The following DYNC2H1 variants were observed in gnomAD, a reference collection of about 807,000 sequenced individuals.
The protein encoded by DYNC2H1 is dynein cytoplasmic 2 heavy chain 1.
Under a neutral mutation model 570.0 loss-of-function variants are expected in DYNC2H1, and 410 were observed. The observed-to-expected ratio is 0.72, with a 90% confidence interval of 0.66 to 0.78. The LOEUF (loss-of-function observed/expected upper bound fraction) is 0.78. Among genes scored for constraint, DYNC2H1 ranks in the 30% least tolerant of loss-of-function variants. The pLI is 0.00. For synonymous variants in DYNC2H1, 1,688 were observed against 1,677.6 expected, an observed-to-expected ratio of 1.01 and a Z score of -0.15; for missense variants, 4,865 against 5,046.4, an observed-to-expected ratio of 0.96 and a Z score of 1.09.
chr11:103,379,874 T>C (rs533251290), intron 83 of DYNC2H1, among the ~76,000 whole-genome samples: 1 of 152,308 alleles, frequency 6.6e-6, no homozygotes, highest in African/African-American at 2.4e-5. Flanking sequence ...CTAGTACCAA[T>C]ATATTACTTA....
At position 103,177,895 on chromosome 11, in the gene DYNC2H1, C is replaced by G; in HGVS notation, c.6139+75C>G. ...TGATATAATTTGTCTATAATGCTGT[C>G]TTTGTCAAGACTTCTACATGACCAT... On this transcript the variant is annotated intron_variant, in intron 38 of 88. Transcript: ENST00000375735. This position sits in a 1 kb window ranked among gnomAD's most constrained non-coding sequence, Gnocchi z 4.4. 2.1e-6 allele frequency: 3 copies of G among 1,463,174 alleles called. No homozygotes were observed. The highest frequency in any genetic ancestry group is 2.7e-6 in the Non-Finnish European group (3 of 1,100,316). The allele number at this position is 1,463,174 out of a possible 1,614,324, so 90.6% of individuals were successfully genotyped here.
rs1440835469 is a variant in DYNC2H1 at position 103,215,721 on chromosome 11, G to A, written c.8695G>A (p.Ala2899Thr). 6.2e-7 allele frequency: 1 copy of A among 1,601,026 alleles called. No homozygotes were observed. Among genetic ancestry groups the A allele is most frequent in the South Asian group, 1.1e-5 (1 of 88,716 alleles). ...GCCGATCAATATTTTATTGATGTAG[G>A]CTGGTGTATCTAAACTAAATGAAGC... ...ELLKRQSHLQ[A>T]GVSKLNEAKA... is the part of the protein sequence containing the mutation. Residue 2899 changes from alanine (A) to threonine (T), a missense_variant and splice_region_variant, in exon 55 of 89, where the codon GCT becomes ACT. Ala to Thr is a moderately conservative substitution (Grantham distance 58, BLOSUM62 0). Around this residue, in one of 5 missense-constraint regions of DYNC2H1, gnomAD observed 2,401 missense variants for 2,454.6 expected, o/e 0.98. Coordinates refer to ENST00000375735, the MANE Select transcript of DYNC2H1 (RefSeq NM_001377.3).
chr11:103,218,568 A>G (rs548712059), intron 55 of DYNC2H1, among the ~76,000 whole-genome samples: 19 of 152,310 alleles, frequency 1.2e-4, no homozygotes, highest in African/African-American at 4.6e-4. Context: ...AGTAAACACT[A>G]TGTAAAGGAT....
chr11:103,331,456 T>C (rs1010491353), intron 82 of DYNC2H1, among the ~76,000 whole-genome samples: 3 of 152,172 alleles, frequency 2.0e-5, no homozygotes, highest in African/African-American at 7.2e-5. Flanking sequence ...ATATAAAAGT[T>C]ATCTTCAGAG....
chr11:103,292,783 T>G (rs1348299770), intron 75 of DYNC2H1, among the ~76,000 whole-genome samples: 1 of 152,250 alleles, frequency 6.6e-6, no homozygotes, highest in East Asian at 1.9e-4. Context: ...CCATGTGAGA[T>G]GCCTGCTTCT....
chr11:103,169,236 A>G (rs550148507), intron 32 of DYNC2H1, among the ~76,000 whole-genome samples: 29 of 152,168 alleles, frequency 1.9e-4, no homozygotes, highest in Non-Finnish European at 3.4e-4. Flanking sequence ...TTTGAAATAT[A>G]TCTTCATCCA....
chr11:103,127,473 C>T (rs910778307), intron 12 of DYNC2H1, among the ~76,000 whole-genome samples: 1 of 152,038 alleles, frequency 6.6e-6, no homozygotes, highest in African/African-American at 2.4e-5. Flanking sequence ...TTTTGTGGTA[C>T]AGAATAAGTA....
rs1555111382 is a variant in DYNC2H1 at position 103,363,049 on chromosome 11, A to AATAAATAATATAAT, written c.12156+4694_12156+4695insATAATATAATATAA. The stretch of plus-strand genomic sequence containing the variant: ...CTGTCTCAAAATAAATAAATAAATA[A>AATAAATAATATAAT]ATAATATAATATAATATAACAGGCA... On this transcript the variant is annotated intron_variant, in intron 83 of 88. Coordinates refer to ENST00000375735, the MANE Select transcript of DYNC2H1 (RefSeq NM_001377.3). This position sits in a 1 kb window ranked among gnomAD's most constrained non-coding sequence, Gnocchi z 5.6. Among the ~76,000 whole-genome samples the AATAAATAATATAAT allele has an allele frequency of 1.3e-5, 2 of 151,648 alleles. No individual in the cohort carries two copies. The highest frequency in any genetic ancestry group is 4.8e-5 in the African/African-American group (2 of 41,308).
chr11:103,230,891 T>A (rs1863981428), intron 59 of DYNC2H1, among the ~76,000 whole-genome samples: 1 of 152,154 alleles, frequency 6.6e-6, no homozygotes, highest in Non-Finnish European at 1.5e-5. Flanking sequence ...AAGTTATTTT[T>A]GAAATTTCTC....
At chr11:103,182,624 T>A (rs1223206517) in intron 40 of DYNC2H1, among the ~76,000 whole-genome samples, 1 of 151,882 alleles carries the variant, frequency 6.6e-6, no homozygotes, top group Non-Finnish European at 1.5e-5. Context: ...AGATCACATT[T>A]GATTTTGGAT....
chr11:103,432,870 A>C (rs1943941727), intron 84 of DYNC2H1, among the ~76,000 whole-genome samples: 1 of 152,144 alleles, frequency 6.6e-6, no homozygotes, highest in Non-Finnish European at 1.5e-5. Flanking sequence ...ACACATAGTA[A>C]GCACCCAATA....
In DYNC2H1 at chr11:103,465,456, GT is replaced by G. The variant is rs113580244; in HGVS notation, c.12649-3122del. 1.7e-4 allele frequency among the ~76,000 whole-genome samples: 25 copies of G among 146,328 alleles called. No individual in the cohort carries two copies. The highest frequency in any genetic ancestry group is 2.0e-4 in the Admixed American group (3 of 14,722). On this transcript the variant is annotated intron_variant, in intron 87 of 88. Coordinates refer to ENST00000375735, the MANE Select transcript of DYNC2H1 (RefSeq NM_001377.3). The surrounding 1 kb of genome is among the most constrained non-coding windows in gnomAD (Gnocchi z 4.9). ...CAACCAGTATCCCAAAGTGTGTTTT[GT>G]TTTTTTTTTTAATCTGTGGCACATG...
chr11:103,116,086 T>C (rs1329644215), intron 4 of DYNC2H1, among the ~76,000 whole-genome samples: 1 of 152,184 alleles, frequency 6.6e-6, no homozygotes, highest in Non-Finnish European at 1.5e-5. Context: ...TTTCCACTAT[T>C]ATTTCAATAA....
intron 5 of DYNC2H1, among the ~76,000 whole-genome samples, chr11:103,116,984 A>G (rs1425955777): frequency 6.6e-6 from 1 of 150,930 alleles, no homozygotes; most frequent in East Asian, 1.9e-4. Flanking sequence ...AAACTGAAAA[A>G]TTATTTAAAA....
At chr11:103,139,567 G>A (rs1356561500) in intron 17 of DYNC2H1, among the ~76,000 whole-genome samples, 1 of 151,102 alleles carries the variant, frequency 6.6e-6, no homozygotes, top group Non-Finnish European at 1.5e-5. Context: ...TGATTGCACT[G>A]TGGTCTGAGA....
chr11:103,384,875 G>C (rs1941810407), intron 83 of DYNC2H1, among the ~76,000 whole-genome samples: 1 of 152,092 alleles, frequency 6.6e-6, no homozygotes, highest in Admixed American at 6.6e-5. Context: ...TTATAGTGTA[G>C]AAAGTATCTT....
At chr11:103,394,548 A>T (rs954896913) in intron 83 of DYNC2H1, among the ~76,000 whole-genome samples, 1 of 152,018 alleles carries the variant, frequency 6.6e-6, no homozygotes, top group African/African-American at 2.4e-5. Flanking sequence ...AGAGGAGGGT[A>T]GGGAAGGGAA....
rs960728960 is a variant in DYNC2H1, at chr11:103,358,312, T to G, written c.12109T>G (p.Ser4037Ala). 9.4e-6 allele frequency: 15 copies of G among 1,589,946 alleles called. No homozygotes were observed. ...AGSKFDREIW[S>A]NELSPVLNLW... is the part of the protein sequence containing the mutation. ...TTCCAAATTTGATAGAGAAATCTGG[T>G]CTAATGAACTTTCTCCTGTCCTCAA... The change falls in exon 83 of 89, where the codon TCT (serine) becomes GCT (alanine). Residue 4037 changes from serine (S) to alanine (A), a missense_variant. Ser to Ala is a moderately conservative substitution (Grantham distance 99). This residue lies in a region of DYNC2H1 where 2,401 missense variants were observed against 2,454.6 expected (regional missense o/e 0.98). Transcript: ENST00000375735.
rs557468932 is a variant in DYNC2H1, at chr11:103,205,714, T to A, written c.8454+750T>A. ...AACCAGAGAGAAATCCCTGCCCTCA[T>A]GGTGTTTACATTCTTCTCAGGTATA... On this transcript the variant is annotated intron_variant, in intron 52 of 88. Coordinates refer to ENST00000375735, the MANE Select transcript of DYNC2H1 (RefSeq NM_001377.3). This position sits in a 1 kb window ranked among gnomAD's most constrained non-coding sequence, Gnocchi z 4.5. Among the ~76,000 whole-genome samples, 1 of 152,054 alleles carries A rather than the reference T, an allele frequency of 6.6e-6. No individual in the cohort carries two copies. Among genetic ancestry groups the A allele is most frequent in the Non-Finnish European group, 1.5e-5 (1 of 67,994 alleles).
Sources: allele counts gnomAD v4.1 joint callset (sites outside exome capture counted in the v4.1 genomes callset), GRCh38; gene constraint gnomAD v4.1.1; regional missense constraint gnomAD v4.1.1; non-coding constraint Gnocchi (gnomAD v3.1); transcripts MANE v1.5; gene names NCBI Gene and HGNC (gene_info 2026-07-23, HGNC 2026-07-21).